RRP12: variants seen among roughly 807,000 people sequenced by gnomAD.
The protein encoded by RRP12 is RRP12-like protein.
Under a neutral mutation model 157.3 loss-of-function variants are expected in RRP12, and 78 were observed. The ratio of observed to expected loss-of-function variants is 0.50; its 90% CI spans 0.41 to 0.60. The LOEUF (loss-of-function observed/expected upper bound fraction) is 0.60, where lower values mean the gene tolerates loss of function less well. RRP12 is among the 20% of genes least tolerant of loss of function. The pLI is 0.00. For missense variants in RRP12, 1,521 were observed against 1,679.9 expected, an observed-to-expected ratio of 0.91 and a Z score of 1.65; for synonymous variants, 726 against 670.9, an observed-to-expected ratio of 1.08 and a Z score of -1.27.
At chr10:97,386,862 C>T (rs1357849870) in intron 8 of RRP12, among the ~76,000 whole-genome samples, 6 of 151,990 alleles carry the variant, frequency 3.9e-5, no homozygotes, top group South Asian at 4.1e-4. Context: ...TGGTGGCGGG[C>T]GCCTGTAGTC....
chr10:97,372,336 A>G (rs1844180777), intron 19 of RRP12, among the ~76,000 whole-genome samples, 170 bp from the exon 20 acceptor site: 1 of 152,232 alleles, frequency 6.6e-6, no homozygotes, highest in Admixed American at 6.5e-5. Context: ...CTGAGCATTC[A>G]TGATGTACCA....
At position 97,373,597 on chromosome 10, in the gene RRP12, G is replaced by A. The variant is rs373366329; in HGVS notation, c.2004C>T (p.Leu668=). Reference sequence around the variant, plus strand: ...TACCTGCCTGGCAGCCCTTGGTGATGAGGGTGCGCAGGGCCTGGCACACGG... The same window carrying A: ...TACCTGCCTGGCAGCCCTTGGTGATAAGGGTGCGCAGGGCCTGGCACACGG... ...RVTVCQALRT[L]ITKGCQAEAD... Residue 668 remains leucine, a synonymous_variant, in exon 17 of 34, where the codon CTC becomes CTT. Coordinates refer to ENST00000370992, the MANE Select transcript of RRP12 (RefSeq NM_015179.4). 2.0e-5 allele frequency: 32 copies of A among 1,605,948 alleles called. No individual in the cohort carries two copies. Among genetic ancestry groups the A allele is most frequent in the African/African-American group, 1.7e-4 (13 of 74,910 alleles).
chr10:97,368,976 C>T (rs1844063431), intron 25 of RRP12, among the ~76,000 whole-genome samples: 1 of 152,160 alleles, frequency 6.6e-6, no homozygotes, highest in African/African-American at 2.4e-5. Flanking sequence ...TACCAAGGGG[C>T]TCTTCAGATC....
At chr10:97,390,232 G>A (rs922538926) in intron 6 of RRP12, among the ~76,000 whole-genome samples, 191 bp downstream of exon 6, 1 of 152,212 alleles carries the variant, frequency 6.6e-6, no homozygotes, top group Non-Finnish European at 1.5e-5. Flanking sequence ...GGCTGACAGG[G>A]AACAGCCTCC....
intron 27 of RRP12, 38 bp downstream of exon 27, chr10:97,366,704 G>T: frequency 6.2e-7 from 1 of 1,603,310 alleles, no homozygotes; most frequent in Non-Finnish European, 8.5e-7. Flanking sequence ...CCTTGGGTTG[G>T]GGGGACACCG....
intron 30 of RRP12, among the ~76,000 whole-genome samples, chr10:97,361,328 C>G (rs528068509): frequency 1.3e-5 from 2 of 152,356 alleles, no homozygotes; most frequent in South Asian, 4.1e-4. Flanking sequence ...CCCAGCCCAT[C>G]AGATGTGAGC....
chr10:97,365,398 C>T (rs1383466380), intron 29 of RRP12, among the ~76,000 whole-genome samples: 8 of 151,672 alleles, frequency 5.3e-5, no homozygotes, highest in Non-Finnish European at 7.4e-5. Context: ...CTCAGCCTCC[C>T]GAGTAGCTGG....
chr10:97,371,952 C>G, intron 20 of RRP12, 121 bp downstream of exon 20: 1 of 648,452 alleles, frequency 1.5e-6, no homozygotes. Flanking sequence ...CAGGAGAAAG[C>G]AGACAGGGAC....
Position 97,356,788 on chromosome 10 carries a change from G to C in RRP12, c.*306C>G. On this transcript the variant is annotated 3_prime_UTR_variant, in exon 34 of 34. Transcript: ENST00000370992. ...GGATGCCACGTGGCTACAGGCAGCT[G>C]GCGGAAATGGAGATCATCTGTTCTG... 3.4e-6 allele frequency: 1 copy of C among 293,950 alleles called. No individual in the cohort carries two copies. The highest frequency in any genetic ancestry group is 6.3e-6 in the Non-Finnish European group (1 of 159,818). The allele number at this position is 293,950 out of a possible 1,614,324, so 18.2% of individuals were successfully genotyped here.
intron 14 of RRP12, 26 bp downstream of exon 14, chr10:97,379,602 A>G (rs1564759692): frequency 5.0e-6 from 8 of 1,611,712 alleles, no homozygotes; most frequent in Non-Finnish European, 5.9e-6. Flanking sequence ...GGGGCTTGTC[A>G]GGAAGCCAGC....
chr10:97,368,727 C>T (rs1844057412), intron 25 of RRP12, among the ~76,000 whole-genome samples: 1 of 152,208 alleles, frequency 6.6e-6, no homozygotes, highest in Admixed American at 6.5e-5. Context: ...CCTTTGGTCC[C>T]TAGTAGGCTG....
At chr10:97,392,176 T>C (rs1297593828) in intron 4 of RRP12, among the ~76,000 whole-genome samples, 4 of 152,074 alleles carry the variant, frequency 2.6e-5, no homozygotes, top group Admixed American at 2.0e-4. Flanking sequence ...TTTGCCATGT[T>C]GCCCAGGCTG....
intron 31 of RRP12, among the ~76,000 whole-genome samples, chr10:97,359,621 ACT>A (rs1449776824): frequency 1.3e-5 from 2 of 152,188 alleles, no homozygotes; most frequent in East Asian, 3.9e-4. Flanking sequence ...GCTCAGGAGG[ACT>A]CTCTGAGACG....
At position 97,370,998 on chromosome 10, in the gene RRP12, GA is replaced by G. The variant is rs777257105; in HGVS notation, c.2426del (p.Phe809SerfsTer9). On this transcript the variant is annotated frameshift_variant, in exon 21 of 34. Transcript: ENST00000370992. LOFTEE classifies it high-confidence loss of function. ...CASPQGPGAL[F>X]VQSHLEDLKK... ...TCAGGTCCTCCAGGTGGCTCTGCAC[GA>G]AGAGGGCCCCGGGGCCCTGAGGACT... The G allele has an allele frequency of 1.6e-5, 26 of 1,613,818 alleles. No individual in the cohort carries two copies. The highest frequency in any genetic ancestry group is 2.1e-5 in the Non-Finnish European group (25 of 1,179,964).
intron 3 of RRP12, 63 bp downstream of exon 3, chr10:97,396,155 T>TTC: frequency 4.2e-6 from 5 of 1,194,578 alleles, no homozygotes; most frequent in Non-Finnish European, 6.3e-6. Context: ...GGCACTCATC[T>TTC]TCTCGCTAAA....
chr10:97,397,517 G>A (rs974272587), intron 2 of RRP12, among the ~76,000 whole-genome samples: 1 of 152,058 alleles, frequency 6.6e-6, no homozygotes, highest in East Asian at 1.9e-4. Context: ...ATCTGCAGGT[G>A]CAGAACCCGC....
chr10:97,380,752 A>G (rs1844442696), intron 13 of RRP12, 47 bp downstream of exon 13: 3 of 1,386,090 alleles, frequency 2.2e-6, no homozygotes, highest in Non-Finnish European at 3.1e-6. Flanking sequence ...CCATAGTCCA[A>G]GAGCCAGCAC....
intron 10 of RRP12, among the ~76,000 whole-genome samples, chr10:97,383,220 G>A (rs760789174): frequency 1.4e-4 from 22 of 152,166 alleles, no homozygotes; most frequent in Non-Finnish European, 2.5e-4. Context: ...GTGCTCCTGC[G>A]GGCTGAAGCA....
intron 10 of RRP12, among the ~76,000 whole-genome samples, chr10:97,384,238 G>C (rs563161523): frequency 4.1e-5 from 6 of 147,116 alleles, no homozygotes; most frequent in African/African-American, 1.5e-4. Flanking sequence ...GCAACCAGAC[G>C]CAGGCCCTGA....
Sources: gnomAD v4.1 joint callset for allele counts (sites outside exome capture counted in the v4.1 genomes callset) on GRCh38, gnomAD v4.1.1 for gene constraint, MANE v1.5 for transcripts, NCBI Gene and HGNC (gene_info 2026-07-23, HGNC 2026-07-21) for gene names.